The following SORCS1 variants were observed in gnomAD, a reference collection of about 807,000 sequenced individuals.
SORCS1 encodes the protein sortilin related VPS10 domain containing receptor 1, also known as VPS10 domain-containing receptor SorCS1.
In SORCS1, 60 loss-of-function variants were observed where a neutral mutation model predicts 146.1. The observed-to-expected ratio is 0.41, with a 90% CI of 0.33 to 0.51. The LOEUF is 0.51. Among genes scored for constraint, SORCS1 ranks in the 20% least tolerant of loss-of-function variants. The probability of loss-of-function intolerance (pLI) is 0.21; values close to 1 mark genes in which losing one functional copy is unlikely to be tolerated. For synonymous variants in SORCS1, 637 were observed against 584.0 expected (o/e 1.09, Z -1.31); for missense variants, 1,352 against 1,487.6 (o/e 0.91, Z 1.50).
At chr10:107,047,452 C>G (rs1047575830) in intron 1 of SORCS1, among the ~76,000 whole-genome samples, 1 of 152,168 alleles carries the variant, frequency 6.6e-6, no homozygotes, top group Non-Finnish European at 1.5e-5. Flanking sequence ...GTTACTGTCG[C>G]TTTAACTCAC....
At chr10:107,022,592 T>C (rs1280498388) in intron 1 of SORCS1, among the ~76,000 whole-genome samples, 1 of 152,086 alleles carries the variant, frequency 6.6e-6, no homozygotes, top group Non-Finnish European at 1.5e-5. Flanking sequence ...TCCACTGTTA[T>C]GTCTAACAAT....
intron 2 of SORCS1, among the ~76,000 whole-genome samples, chr10:106,837,531 G>A (rs1356763834): frequency 6.6e-6 from 1 of 150,556 alleles, no homozygotes; most frequent in Admixed American, 6.7e-5. Flanking sequence ...ATTGGCTTTT[G>A]CAACACCAAA....
intron 1 of SORCS1, among the ~76,000 whole-genome samples, chr10:107,141,159 G>A (rs1178537784): frequency 6.6e-6 from 1 of 152,166 alleles, no homozygotes; most frequent in African/African-American, 2.4e-5. Context: ...AATCAGACTG[G>A]TGGAAAAGCA....
At chr10:106,814,314 C>T (rs1476142738) in intron 3 of SORCS1, among the ~76,000 whole-genome samples, 2 of 152,078 alleles carry the variant, frequency 1.3e-5, no homozygotes, top group Non-Finnish European at 1.5e-5. Flanking sequence ...GTATTTAAAA[C>T]GCGAAATTTA....
chr10:107,023,833 C>T (rs1163398429), intron 1 of SORCS1, among the ~76,000 whole-genome samples: 1 of 152,096 alleles, frequency 6.6e-6, no homozygotes, highest in Non-Finnish European at 1.5e-5. Flanking sequence ...GGATCAGCCA[C>T]ATCAATGTCA....
At chr10:106,923,761 C>T (rs934805964) in intron 2 of SORCS1, among the ~76,000 whole-genome samples, 5 of 152,162 alleles carry the variant, frequency 3.3e-5, no homozygotes, top group African/African-American at 7.2e-5. Context: ...TCTTCTTCGG[C>T]CAGTTATCTG....
intron 1 of SORCS1, among the ~76,000 whole-genome samples, chr10:107,043,813 C>G (rs1959193458): frequency 6.6e-6 from 1 of 152,132 alleles, no homozygotes; most frequent in South Asian, 2.1e-4. Context: ...GTCTACCCCA[C>G]TAAGATAAAA....
At chr10:106,878,052 T>C (rs949620456) in intron 2 of SORCS1, among the ~76,000 whole-genome samples, 2 of 152,184 alleles carry the variant, frequency 1.3e-5, no homozygotes, top group African/African-American at 2.4e-5. Context: ...CTCCTACTCC[T>C]AGTCTATGAA....
chr10:106,841,325 C>A (rs1009353117), intron 2 of SORCS1, among the ~76,000 whole-genome samples: 4 of 151,972 alleles, frequency 2.6e-5, no homozygotes, highest in African/African-American at 9.7e-5. Flanking sequence ...CAAAAACTAG[C>A]CTGGTGTGGT....
At chr10:106,661,766 A>G (rs974736159) in intron 17 of SORCS1, among the ~76,000 whole-genome samples, 2 of 152,238 alleles carry the variant, frequency 1.3e-5, no homozygotes, top group Non-Finnish European at 2.9e-5. Flanking sequence ...AACATCCTTA[A>G]TTGTTTCATT....
intron 3 of SORCS1, among the ~76,000 whole-genome samples, chr10:106,787,109 C>T (rs1398356819): frequency 6.6e-6 from 1 of 152,142 alleles, no homozygotes; most frequent in African/African-American, 2.4e-5. Context: ...AAGCAACTCT[C>T]TAATAAAAGA....
intron 15 of SORCS1, among the ~76,000 whole-genome samples, chr10:106,671,627 A>G (rs1851613239): frequency 6.6e-6 from 1 of 152,208 alleles, no homozygotes. Context: ...TTATTTGGCA[A>G]AGTGTTGGGT....
rs970213503 is a variant in SORCS1, at chr10:106,975,402, G to T, written c.559-18822C>A. Among the ~76,000 whole-genome samples, 35 of 152,310 alleles carry T rather than the reference G, an allele frequency of 2.3e-4. 1 individual carries two copies. The highest frequency in any genetic ancestry group is 7.9e-4 in the African/African-American group (33 of 41,580). ...TGCTGCTTTTTAAAAAACTGTGTTG[G>T]TGTCAGCATTTTATCGGGCTCAGAG... On this transcript the variant is annotated intron_variant, in intron 1 of 25. Transcript: ENST00000263054.
chr10:106,683,675 T>C (rs144951551), intron 10 of SORCS1, among the ~76,000 whole-genome samples: 224 of 152,328 alleles, frequency 1.5e-3, no homozygotes, highest in African/African-American at 5.0e-3. Context: ...GCTATCTTCA[T>C]GGTACCTTTA....
At chr10:106,672,523 A>G (rs926781050) in intron 15 of SORCS1, among the ~76,000 whole-genome samples, 2 of 152,130 alleles carry the variant, frequency 1.3e-5, no homozygotes, top group African/African-American at 4.8e-5. Flanking sequence ...AAAATTGAAG[A>G]TATCTTCCTC....
intron 23 of SORCS1, among the ~76,000 whole-genome samples, chr10:106,598,420 C>A (rs1846041689): frequency 6.6e-6 from 1 of 151,890 alleles, no homozygotes; most frequent in African/African-American, 2.4e-5. Flanking sequence ...AGCCAACACA[C>A]CCAGCTATTT....
At chr10:106,760,847 C>G (rs185458023) in intron 5 of SORCS1, among the ~76,000 whole-genome samples, 1 of 152,218 alleles carries the variant, frequency 6.6e-6, no homozygotes, top group African/African-American at 2.4e-5. Context: ...TGGCTCACAC[C>G]TGTAATCCCA....
At chr10:106,792,899 T>C (rs993351259) in intron 3 of SORCS1, among the ~76,000 whole-genome samples, 6 of 152,194 alleles carry the variant, frequency 3.9e-5, no homozygotes, top group African/African-American at 1.2e-4. Flanking sequence ...AAACACGACT[T>C]TTGGAAAAAC....
chr10:106,958,847 A>G (rs1428650694), intron 1 of SORCS1, among the ~76,000 whole-genome samples: 1 of 152,222 alleles, frequency 6.6e-6, no homozygotes, highest in East Asian at 1.9e-4. Flanking sequence ...GATCAGTGGC[A>G]GCAGGGTGGC....
Sources: allele counts gnomAD v4.1 joint callset (sites outside exome capture counted in the v4.1 genomes callset), GRCh38; gene constraint gnomAD v4.1.1; transcripts MANE v1.5; gene names NCBI Gene and HGNC (gene_info 2026-07-23, HGNC 2026-07-21).